MEF2C: variants seen among roughly 807,000 people sequenced by gnomAD.
MEF2C encodes the protein myocyte-specific enhancer factor 2C.
MEF2C carries 6 observed loss-of-function variants against 50.5 expected under a neutral mutation model. The observed-to-expected ratio is 0.12, with a 90% CI of 0.07 to 0.23. The LOEUF is 0.23. MEF2C is among the 10% of genes least tolerant of loss of function. MEF2C has a pLI of 1.00. For synonymous variants in MEF2C, 183 were observed against 228.0 expected (o/e 0.80, Z 1.78); for missense variants, 276 against 605.0 (o/e 0.46, Z 5.70).
chr5:88,743,827 T>C (rs1171960898), intron 6 of MEF2C: 6 of 984,344 alleles, frequency 6.1e-6, no homozygotes, highest in Admixed American at 6.1e-5. Flanking sequence ...ATGCATAAAA[T>C]AGTCAACAAT....
intron 1 of MEF2C, among the ~76,000 whole-genome samples, chr5:88,867,510 G>A (rs1827787362): frequency 6.6e-6 from 1 of 152,078 alleles, no homozygotes; most frequent in South Asian, 2.1e-4. Flanking sequence ...AGGAATAAAT[G>A]AATTAATGCA....
chr5:88,849,693 G>A (rs894574177), intron 1 of MEF2C, among the ~76,000 whole-genome samples: 3 of 151,988 alleles, frequency 2.0e-5, no homozygotes, highest in Non-Finnish European at 4.4e-5. Context: ...CCAGAAATTA[G>A]CAAATCCAGT....
chr5:88,729,620 T>C, intron 8 of MEF2C: 1 of 398,770 alleles, frequency 2.5e-6, no homozygotes, highest in South Asian at 2.5e-5. Flanking sequence ...AAACAGACTA[T>C]GTTGAAAACT....
chr5:88,899,879 A>G (rs1835468239), intron 1 of MEF2C, among the ~76,000 whole-genome samples: 1 of 152,174 alleles, frequency 6.6e-6, no homozygotes, highest in African/African-American at 2.4e-5. Flanking sequence ...TAGTTGCTAA[A>G]TGGTGTTGTT....
intron 5 of MEF2C, chr5:88,751,608 A>C: frequency 2.3e-6 from 2 of 869,626 alleles, no homozygotes; most frequent in South Asian, 5.3e-5. Flanking sequence ...TATGTGGTTA[A>C]AATATAGCCA....
chr5:88,734,593 T>TTTTTTTTTTTTTTG, intron 6 of MEF2C: 1 of 850,488 alleles, frequency 1.2e-6, no homozygotes, highest in Non-Finnish European at 1.4e-6. Context: ...TTTTTTTTTT[T>TTTTTTTTTTTTTTG]TTTTTAGCAT....
chr5:88,835,893 T>C (rs1283623597), intron 1 of MEF2C, among the ~76,000 whole-genome samples: 1 of 152,054 alleles, frequency 6.6e-6, no homozygotes, highest in East Asian at 1.9e-4. Flanking sequence ...ACTTTAATTT[T>C]TAAGGTTGTG....
chr5:88,771,646 G>C, intron 3 of MEF2C: 1 of 977,430 alleles, frequency 1.0e-6, no homozygotes, highest in Non-Finnish European at 1.2e-6. Context: ...TCTCAGTTAT[G>C]GTTCACTGGA....
chr5:88,736,003 T>C (rs601942), intron 6 of MEF2C: 555,613 of 984,924 alleles, frequency 0.56, 159,642 homozygotes, highest in East Asian at 0.59. Context: ...AATTAGTCAC[T>C]ATGGACCATG....
intron 3 of MEF2C, among the ~76,000 whole-genome samples, chr5:88,763,198 A>G (rs1417726945): frequency 6.6e-6 from 1 of 152,188 alleles, no homozygotes; most frequent in African/African-American, 2.4e-5. Flanking sequence ...TAAAATGAAT[A>G]TTTTGACACA....
chr5:88,773,186 T>A (rs1238055986), intron 3 of MEF2C, among the ~76,000 whole-genome samples: 2 of 152,222 alleles, frequency 1.3e-5, no homozygotes, highest in African/African-American at 4.8e-5. Context: ...AGCACATGGA[T>A]GACACTCAAT....
At chr5:88,740,837 C>T (rs1766356589) in intron 6 of MEF2C, 1 of 985,178 alleles carries the variant, frequency 1.0e-6, no homozygotes, top group African/African-American at 1.7e-5. Context: ...TTGTTCACTT[C>T]TTGAGATTTT....
intron 3 of MEF2C, chr5:88,771,298 T>C: frequency 2.1e-6 from 1 of 481,674 alleles, no homozygotes. Flanking sequence ...CTCAATCCTT[T>C]AGAAACACTG....
chr5:88,780,300 G>A (rs1425675589), intron 3 of MEF2C, among the ~76,000 whole-genome samples: 5 of 151,932 alleles, frequency 3.3e-5, no homozygotes, highest in African/African-American at 9.7e-5. Flanking sequence ...GTTTGATTTC[G>A]GTAGCCAGAC....
In MEF2C at chr5:88,765,201, A is replaced by G. The variant is rs199847873; in HGVS notation, c.259-3873T>C. On this transcript the variant is annotated intron_variant, in intron 3 of 10. Transcript: ENST00000504921. ...AGTTAAATTGTGTTATTTAAAAAAGAGCATTTTGAGATATACAAACACAAA... is the reference window on the plus strand; with the variant it reads ...AGTTAAATTGTGTTATTTAAAAAAGGGCATTTTGAGATATACAAACACAAA... Among the ~76,000 whole-genome samples the G allele has an allele frequency of 7.9e-5, 12 of 152,370 alleles. No homozygotes were observed. In the East Asian group the frequency reaches 1.7e-3, roughly 22 times the overall value.
At chr5:88,817,149 T>A (rs1219370881) in intron 2 of MEF2C, among the ~76,000 whole-genome samples, 2 of 152,034 alleles carry the variant, frequency 1.3e-5, no homozygotes, top group Non-Finnish European at 2.9e-5. Flanking sequence ...TTCTCAATTA[T>A]CCAGTTACTC....
chr5:88,784,776 G>C (rs946260733), intron 3 of MEF2C, among the ~76,000 whole-genome samples: 1 of 152,130 alleles, frequency 6.6e-6, no homozygotes, highest in Non-Finnish European at 1.5e-5. Flanking sequence ...CTGGAATACA[G>C]CTCTAAGTGG....
At chr5:88,802,505 G>C (rs192095979) in intron 3 of MEF2C, among the ~76,000 whole-genome samples, 18 of 152,314 alleles carry the variant, frequency 1.2e-4, no homozygotes, top group South Asian at 2.1e-4. Context: ...GGAGTGCAGA[G>C]GCACAATCTA....
intron 6 of MEF2C, chr5:88,738,794 G>A: frequency 1.0e-6 from 1 of 985,364 alleles, no homozygotes; most frequent in South Asian, 4.7e-5. Context: ...ATAGTAAATA[G>A]TAGTTCTGGT....
Sources: allele counts gnomAD v4.1 joint callset (sites outside exome capture counted in the v4.1 genomes callset), GRCh38; gene constraint gnomAD v4.1.1; transcripts MANE v1.5; gene names NCBI Gene and HGNC (gene_info 2026-07-23, HGNC 2026-07-21).